The following KIFAP3 variants were observed in gnomAD, a reference collection of about 807,000 sequenced individuals.
The protein encoded by KIFAP3 is kinesin associated protein 3.
Under a neutral mutation model 106.5 loss-of-function variants are expected in KIFAP3, and 68 were observed. The observed-to-expected ratio is 0.64, with a 90% confidence interval of 0.53 to 0.78. The LOEUF is 0.78. KIFAP3 is among the 30% of genes least tolerant of loss of function. The pLI is 0.00. For missense variants in KIFAP3, 780 were observed against 941.8 expected (o/e 0.83, Z 2.25); for synonymous variants, 320 against 311.5 (o/e 1.03, Z -0.29).
At chr1:170,033,180 C>A (rs984886707) in intron 7 of KIFAP3, among the ~76,000 whole-genome samples, 7 of 151,598 alleles carry the variant, frequency 4.6e-5, no homozygotes, top group Non-Finnish European at 8.9e-5. Flanking sequence ...AATTTATAAA[C>A]CTGAAAAGAT....
At chr1:169,966,212 G>A (rs1011759858) in intron 17 of KIFAP3, among the ~76,000 whole-genome samples, 5 of 151,612 alleles carry the variant, frequency 3.3e-5, no homozygotes, top group Non-Finnish European at 5.9e-5. Context: ...AAAATACCAC[G>A]GTTATTTTCT....
rs1225450959 is a variant in KIFAP3, at chr1:169,954,106, T to C, written c.2178A>G (p.Gly726=). The part of the protein sequence containing the change: ...ERPDLFYNSD[G]LIASEGAISP... The stretch of plus-strand genomic sequence containing the variant: ...TTATGGCTCCTTCAGAGGCAATTAA[T>C]CCATCTAGAAAGAAAAAAAAATGGT... Residue 726 remains glycine, a synonymous_variant, in exon 19 of 20, where the codon GGA becomes GGG. Transcript: ENST00000361580. The C allele has an allele frequency of 4.4e-6, 7 of 1,604,210 alleles. No homozygotes were observed. The highest frequency in any genetic ancestry group is 6.0e-6 in the Non-Finnish European group (7 of 1,171,322).
intron 10 of KIFAP3, among the ~76,000 whole-genome samples, chr1:170,003,951 C>G (rs544383521): frequency 6.6e-6 from 1 of 152,056 alleles, no homozygotes; most frequent in Admixed American, 6.5e-5. Flanking sequence ...GATTGTATAT[C>G]TAGAAAACCC....
At chr1:169,981,924 C>T (rs375338541) in intron 15 of KIFAP3, 48 bp downstream of exon 15, 276 of 1,426,742 alleles carry the variant, frequency 1.9e-4, no homozygotes, top group Non-Finnish European at 2.6e-4. Context: ...ATATTTAAAT[C>T]AATAAGCTGT....
In KIFAP3 at chr1:170,035,498, G is replaced by T. The variant is rs541162985; in HGVS notation, c.573C>A (p.Val191=). ...RVLREDWKQS[V]ELATNIIYIF... ...TGTAAATTATGTTTGTAGCTAACTCGACACTTTGCTTCCAGTCTTCTCTCA... is the reference window on the plus strand; with the variant it reads ...TGTAAATTATGTTTGTAGCTAACTCTACACTTTGCTTCCAGTCTTCTCTCA... The change falls in exon 6 of 20, where the codon GTC becomes GTA. Residue 191 remains valine, a synonymous_variant. Coordinates refer to ENST00000361580, the MANE Select transcript of KIFAP3 (RefSeq NM_014970.4). 5.0e-6 allele frequency: 8 copies of T among 1,609,310 alleles called. No homozygotes were observed. The African/African-American group carries it at 9.4e-5, about 19-fold the overall frequency.
intron 11 of KIFAP3, among the ~76,000 whole-genome samples, chr1:169,991,522 G>T (rs532507336): frequency 2.6e-5 from 4 of 152,236 alleles, no homozygotes; most frequent in South Asian, 4.1e-4. Context: ...ATCCAGTGTT[G>T]CTAAAAATTA....
chr1:169,941,102 TTC>T (rs1370638932), intron 19 of KIFAP3, among the ~76,000 whole-genome samples: 1 of 152,198 alleles, frequency 6.6e-6, no homozygotes, highest in East Asian at 1.9e-4. Flanking sequence ...AAGTCTAAAA[TTC>T]TGTTTTCATC....
At chr1:170,075,113 CCCAA>C (rs1449474644), upstream of KIFAP3, among the ~76,000 whole-genome samples, 2 of 152,086 alleles carry the variant, frequency 1.3e-5, no homozygotes, top group African/African-American at 4.8e-5. Flanking sequence ...ATACACCTCC[CCCAA>C]CCAAAACAAA....
intron 1 of KIFAP3, among the ~76,000 whole-genome samples, chr1:170,083,398 CATT>C (rs1264524200): frequency 3.3e-5 from 5 of 152,158 alleles, no homozygotes; most frequent in African/African-American, 1.2e-4. Context: ...CTTGGACTTG[CATT>C]ATTCTGTGGT....
chr1:169,998,984 G>A (rs1257838860), intron 10 of KIFAP3, among the ~76,000 whole-genome samples: 1 of 152,098 alleles, frequency 6.6e-6, no homozygotes, highest in Non-Finnish European at 1.5e-5. Flanking sequence ...GCAATAACCT[G>A]AATTCATCTA....
intron 19 of KIFAP3, among the ~76,000 whole-genome samples, chr1:169,926,048 A>T (rs1457149882): frequency 2.6e-5 from 4 of 152,182 alleles, no homozygotes; most frequent in Non-Finnish European, 5.9e-5. Context: ...TTGACTTGGG[A>T]ACATTTTAAG....
At chr1:169,936,129 A>T (rs1663784511) in intron 19 of KIFAP3, among the ~76,000 whole-genome samples, 1 of 152,096 alleles carries the variant, frequency 6.6e-6, no homozygotes, top group East Asian at 1.9e-4. Flanking sequence ...TTCCAATGAA[A>T]AGTGTTAAAA....
At chr1:169,991,337 T>A (rs1287340566) in intron 11 of KIFAP3, among the ~76,000 whole-genome samples, 10 of 91,752 alleles carry the variant, frequency 1.1e-4, no homozygotes, top group African/African-American at 4.6e-4. Flanking sequence ...CAGAGCAAGA[T>A]CCTGTCTCAA....
chr1:169,948,539 T>A (rs543645686), intron 19 of KIFAP3, among the ~76,000 whole-genome samples: 1 of 152,000 alleles, frequency 6.6e-6, no homozygotes, highest in Non-Finnish European at 1.5e-5. Context: ...GAACAAATGG[T>A]TGGTGTCAAT....
intron 17 of KIFAP3, among the ~76,000 whole-genome samples, chr1:169,967,467 C>T (rs955423404): frequency 1.3e-5 from 2 of 151,774 alleles, no homozygotes; most frequent in East Asian, 1.9e-4. Flanking sequence ...TGTGTTTCAG[C>T]ATCTGCATTT....
chr1:170,046,973 C>T (rs983002432), intron 2 of KIFAP3, 107 bp from the exon 3 acceptor site: 6 of 564,436 alleles, frequency 1.1e-5, no homozygotes, highest in Non-Finnish European at 1.6e-5. Context: ...GAGAACCTGG[C>T]CATAGACTCT....
At chr1:170,031,488 A>G (rs1487625718) in intron 8 of KIFAP3, among the ~76,000 whole-genome samples, 3 of 151,788 alleles carry the variant, frequency 2.0e-5, no homozygotes, top group Non-Finnish European at 4.4e-5. Context: ...AAAGCTAGAG[A>G]CAAGGAATTC....
At chr1:169,961,607 G>A (rs78777278) in intron 17 of KIFAP3, among the ~76,000 whole-genome samples, 16 of 152,048 alleles carry the variant, frequency 1.1e-4, no homozygotes, top group African/African-American at 3.9e-4. Context: ...AATTGCACAG[G>A]TCCACTTATA....
chr1:170,053,324 G>T (rs1011950917), intron 2 of KIFAP3, among the ~76,000 whole-genome samples: 3 of 151,920 alleles, frequency 2.0e-5, no homozygotes, highest in African/African-American at 7.3e-5. Flanking sequence ...ACTACAAACT[G>T]CTTCTCAAGA....
Sources: allele counts gnomAD v4.1 joint callset (sites outside exome capture counted in the v4.1 genomes callset), GRCh38; gene constraint gnomAD v4.1.1; transcripts MANE v1.5; gene names NCBI Gene and HGNC (gene_info 2026-07-23, HGNC 2026-07-21).